Variants in CREM observed in about 807,000 individuals in gnomAD.
The protein encoded by CREM is cAMP-responsive element modulator.
A neutral mutation model predicts 37.3 loss-of-function variants in CREM; 13 were observed. That is an observed-to-expected ratio of 0.35 (90% confidence interval 0.23 to 0.55). The LOEUF is 0.55. Ranked by LOEUF, CREM falls within the 20% of genes least tolerant of loss-of-function variation. The pLI is 0.88. For missense variants in CREM, 296 were observed against 362.3 expected (o/e 0.82, Z 1.49); for synonymous variants, 124 against 120.2 (o/e 1.03, Z -0.21).
chr10:35,171,356 G>C (rs2093813188), intron 3 of CREM: 2 of 151,742 alleles, frequency 1.3e-5, no homozygotes, highest in Non-Finnish European at 2.9e-5. Context: ...ATTTTTAGTA[G>C]AGAGAGGGTT....
intron 5 of CREM, among the ~76,000 whole-genome samples, chr10:35,182,178 A>T (rs1226144239): frequency 2.0e-5 from 3 of 152,236 alleles, no homozygotes; most frequent in African/African-American, 7.2e-5. Context: ...ATTGGAGGGT[A>T]AACATACTTA....
Position 35,157,330 on chromosome 10 carries a change from G to A in CREM, c.168+8839G>A, listed in dbSNP as rs146088909. Among the ~76,000 whole-genome samples the A allele has an allele frequency of 3.1e-3, 476 of 152,154 alleles. 1 individual carries two copies. Among genetic ancestry groups the A allele is most frequent in the Middle Eastern group, 6.8e-3 (2 of 294 alleles). On this transcript the variant is annotated intron_variant, in intron 3 of 7. Coordinates refer to ENST00000685392, the MANE Select transcript of CREM (RefSeq NM_183011.2). Reference sequence around the variant, plus strand: ...TTGAAAGCTTTTTCTCTAAGATCTGGAATAAGATAAGGATACCAGGCCAGG... The same window carrying A: ...TTGAAAGCTTTTTCTCTAAGATCTGAAATAAGATAAGGATACCAGGCCAGG...
intron 6 of CREM, among the ~76,000 whole-genome samples, chr10:35,202,422 G>A (rs1329312839): frequency 2.0e-5 from 3 of 152,218 alleles, no homozygotes; most frequent in Middle Eastern, 3.4e-3. Context: ...GATTATCTTT[G>A]TATCTTTATT....
At chr10:35,170,173 G>C (rs2093741997) in intron 3 of CREM, among the ~76,000 whole-genome samples, 1 of 151,970 alleles carries the variant, frequency 6.6e-6, no homozygotes, top group Admixed American at 6.6e-5. Context: ...CACCATGTTA[G>C]CCAGGATGGT....
chr10:35,130,638 C>G (rs2089179303), intron 1 of CREM, among the ~76,000 whole-genome samples: 1 of 152,198 alleles, frequency 6.6e-6, no homozygotes. Flanking sequence ...ATTACCTTTT[C>G]TATGTTTAGG....
chr10:35,148,706 A>G (rs2092357303), intron 3 of CREM: 1 of 464,730 alleles, frequency 2.2e-6, no homozygotes, highest in Non-Finnish European at 3.7e-6. Context: ...CACCACCACT[A>G]TGGAAGGAAA....
intron 5 of CREM, among the ~76,000 whole-genome samples, chr10:35,181,341 G>C (rs1216301104): frequency 6.6e-6 from 1 of 152,128 alleles, no homozygotes; most frequent in Non-Finnish European, 1.5e-5. Context: ...TAAAAGTAGG[G>C]GGAAAAAGAC....
intron 2 of CREM, among the ~76,000 whole-genome samples, chr10:35,139,666 G>T (rs569756057): frequency 6.6e-6 from 1 of 152,148 alleles, no homozygotes; most frequent in South Asian, 2.1e-4. Flanking sequence ...ATTAGTTTTA[G>T]TACAACTATG....
At chr10:35,187,136 ATT>A (rs2094641844) in intron 5 of CREM, among the ~76,000 whole-genome samples, 3 of 75,352 alleles carry the variant, frequency 4.0e-5, no homozygotes, top group African/African-American at 1.1e-4. Flanking sequence ...ATATTAATAT[ATT>A]AATATATAAT....
chr10:35,182,618 AC>A (rs1425308685), intron 5 of CREM, among the ~76,000 whole-genome samples: 1 of 152,228 alleles, frequency 6.6e-6, no homozygotes, highest in Non-Finnish European at 1.5e-5. Flanking sequence ...ACAAGCAGTT[AC>A]ATTTTTAATA....
At chr10:35,209,746 C>T (rs529406856) in intron 7 of CREM, among the ~76,000 whole-genome samples, 7 of 152,066 alleles carry the variant, frequency 4.6e-5, no homozygotes. Flanking sequence ...AATTTCAGTG[C>T]CTTTGTGGAA....
chr10:35,203,534 A>T (rs2095438862), intron 6 of CREM, among the ~76,000 whole-genome samples: 2 of 152,088 alleles, frequency 1.3e-5, no homozygotes, highest in South Asian at 4.1e-4. Flanking sequence ...TCTACTAAAC[A>T]TACAAAAATT....
chr10:35,149,889 A>ACACACACACACACACACAC, intron 3 of CREM, among the ~76,000 whole-genome samples: 1 of 111,922 alleles, frequency 8.9e-6, no homozygotes, highest in East Asian at 2.7e-4. Flanking sequence ...CTTTTGCTTA[A>ACACACACACACACACACAC]ACACACACAC....
intron 5 of CREM, among the ~76,000 whole-genome samples, chr10:35,186,897 AAAAATATAATAATTATT>A (rs1439694952): frequency 3.4e-5 from 3 of 88,036 alleles, no homozygotes; most frequent in Admixed American, 3.6e-4. Context: ...AAATAATTAT[AAAAATATAATAATTATT>A]AAAATATATG....
At chr10:35,195,864 C>G (rs184615879) in intron 6 of CREM, 30 of 580,618 alleles carry the variant, frequency 5.2e-5, no homozygotes, top group African/African-American at 4.3e-4. Flanking sequence ...ACGTCAGCTC[C>G]GAGTCATGTT....
chr10:35,149,675 A>G (rs1244614643), intron 3 of CREM, among the ~76,000 whole-genome samples: 1 of 152,062 alleles, frequency 6.6e-6, no homozygotes, highest in Non-Finnish European at 1.5e-5. Context: ...CCCAGGGGAA[A>G]CACCAGGCAC....
chr10:35,130,238 A>G (rs374216832), intron 1 of CREM, among the ~76,000 whole-genome samples: 1 of 151,280 alleles, frequency 6.6e-6, no homozygotes, highest in Non-Finnish European at 1.5e-5. Context: ...GGAAAAATGT[A>G]TCTCATTACA....
At chr10:35,209,855 ATTCT>A (rs1201767851) in intron 7 of CREM, among the ~76,000 whole-genome samples, 5 of 152,204 alleles carry the variant, frequency 3.3e-5, no homozygotes. Flanking sequence ...TCACTATAAC[ATTCT>A]TTTCAATTTT....
At chr10:35,197,535 C>G (rs2095241307) in intron 6 of CREM, among the ~76,000 whole-genome samples, 1 of 152,000 alleles carries the variant, frequency 6.6e-6, no homozygotes, top group Non-Finnish European at 1.5e-5. Flanking sequence ...TCACTGCAAG[C>G]TCGGCCTCCC....
Sources: gnomAD v4.1 joint callset for allele counts (sites outside exome capture counted in the v4.1 genomes callset) on GRCh38, gnomAD v4.1.1 for gene constraint, MANE v1.5 for transcripts, NCBI Gene and HGNC (gene_info 2026-07-23, HGNC 2026-07-21) for gene names.